The following CCDC152 variants were observed in gnomAD, a reference collection of about 807,000 sequenced individuals.
CCDC152 encodes the protein coiled-coil domain containing 152.
CCDC152 carries 37 observed loss-of-function variants against 38.1 expected under a neutral mutation model. The observed-to-expected ratio is 0.97, with a 90% CI of 0.75 to 1.28. CCDC152 has a LOEUF of 1.28. CCDC152 is among the 50% of genes most tolerant of loss of function. The probability of loss-of-function intolerance (pLI) is 0.00; values close to 1 mark genes in which losing one functional copy is unlikely to be tolerated. For missense variants in CCDC152, 259 were observed against 292.1 expected (o/e 0.89, Z 0.83); for synonymous variants, 83 against 87.1 (o/e 0.95, Z 0.26).
At chr5:42,789,406 C>T in intron 6 of CCDC152, among the ~76,000 whole-genome samples, 1 of 152,128 alleles carries the variant, frequency 6.6e-6, no homozygotes, top group Non-Finnish European at 1.5e-5. Context: ...CCATGTTGGC[C>T]AGGGTGGTCT....
At chr5:42,764,149 C>T (rs1296121566) in intron 3 of CCDC152, among the ~76,000 whole-genome samples, 1 of 152,150 alleles carries the variant, frequency 6.6e-6, no homozygotes, top group African/African-American at 2.4e-5. Flanking sequence ...TGGTGGCTCA[C>T]ACCTGTAATC....
intron 6 of CCDC152, among the ~76,000 whole-genome samples, 200 bp downstream of exon 6, chr5:42,783,776 A>G (rs1338216001): frequency 9.1e-6 from 1 of 109,926 alleles, no homozygotes; most frequent in East Asian, 2.9e-4. Flanking sequence ...CCCAGTGTCT[A>G]TGGTTTCTAT....
In CCDC152 at chr5:42,802,186, T is replaced by C. The variant is rs1760221558; in HGVS notation, c.*2405T>C. 1 of 152,200 alleles carries C rather than the reference T, an allele frequency of 6.6e-6. No individual in the cohort carries two copies. The highest frequency in any genetic ancestry group is 1.5e-5 in the Non-Finnish European group (1 of 68,032). 9.4% of individuals were successfully genotyped at this position (152,200 alleles called of 1,614,324 possible). A position where few individuals can be genotyped will look rare whatever the true frequency, so the allele number is the denominator to read the frequency against. Reference sequence around the variant, plus strand: ...ATAGCAAATTACTGCCCGACTCCCATTGACCATAATATCCATTCCGCATGA... The same window carrying C: ...ATAGCAAATTACTGCCCGACTCCCACTGACCATAATATCCATTCCGCATGA... On this transcript the variant is annotated 3_prime_UTR_variant, in exon 9 of 9. Transcript: ENST00000361970.
intron 3 of CCDC152, among the ~76,000 whole-genome samples, chr5:42,767,356 G>A (rs1759637916): frequency 6.6e-6 from 1 of 152,006 alleles, no homozygotes. Flanking sequence ...CTCTTTACAT[G>A]TATAATTGCT....
chr5:42,778,539 A>G (rs1169963468), intron 4 of CCDC152, among the ~76,000 whole-genome samples: 1 of 152,218 alleles, frequency 6.6e-6, no homozygotes, highest in East Asian at 1.9e-4. Context: ...AAATTTGTTA[A>G]AAATATTAAG....
At chr5:42,767,855 T>C (rs1159671129) in intron 3 of CCDC152, among the ~76,000 whole-genome samples, 1 of 152,244 alleles carries the variant, frequency 6.6e-6, no homozygotes, top group East Asian at 1.9e-4. Flanking sequence ...TGGCAGAGTC[T>C]GTCTATGCCT....
At chr5:42,798,286 C>A (rs948421322) in intron 7 of CCDC152, among the ~76,000 whole-genome samples, 5 of 152,144 alleles carry the variant, frequency 3.3e-5, no homozygotes, top group Admixed American at 3.3e-4. Context: ...GTTGCTTCCC[C>A]CCACCCCAAC....
intron 4 of CCDC152, among the ~76,000 whole-genome samples, chr5:42,776,119 C>T (rs1759765721): frequency 6.6e-6 from 1 of 151,916 alleles, no homozygotes; most frequent in Admixed American, 6.6e-5. Flanking sequence ...CTTTGAAAAT[C>T]AATAGCCTAA....
chr5:42,764,728 T>G (rs1361416271), intron 3 of CCDC152, among the ~76,000 whole-genome samples: 5 of 152,198 alleles, frequency 3.3e-5, no homozygotes, highest in Non-Finnish European at 7.3e-5. Flanking sequence ...TCAACATTCC[T>G]TCATGATAAA....
chr5:42,792,840 T>C (rs185833525), intron 6 of CCDC152, among the ~76,000 whole-genome samples: 8 of 152,344 alleles, frequency 5.3e-5, no homozygotes, highest in Admixed American at 2.6e-4. Flanking sequence ...TAATGGATTT[T>C]AGAGTGCAGG....
In CCDC152 at chr5:42,801,979, A is replaced by G. The variant is rs988540069; in HGVS notation, c.*2198A>G. On this transcript the variant is annotated 3_prime_UTR_variant, in exon 9 of 9. Coordinates refer to ENST00000361970, the MANE Select transcript of CCDC152 (RefSeq NM_001134848.2). ...TATGGAAACTTCTGTACCTGTGTCA[A>G]CGGTGCATCTTATCTAATACTATAT... 2.6e-5 allele frequency: 4 copies of G among 152,202 alleles called. No homozygotes were observed. The highest frequency in any genetic ancestry group is 4.4e-5 in the Non-Finnish European group (3 of 68,050). 9.4% of individuals were successfully genotyped at this position (152,202 alleles called of 1,614,324 possible).
chr5:42,774,892 C>T (rs540164274), intron 4 of CCDC152, among the ~76,000 whole-genome samples: 10 of 151,914 alleles, frequency 6.6e-5, no homozygotes, highest in African/African-American at 2.4e-4. Flanking sequence ...AACAGTGTAA[C>T]ACAAATGAAG....
At chr5:42,758,631 C>T (rs1404939224) in intron 1 of CCDC152, among the ~76,000 whole-genome samples, 1 of 152,188 alleles carries the variant, frequency 6.6e-6, no homozygotes, top group African/African-American at 2.4e-5. Context: ...CAGCAGTTAG[C>T]TGGCTATCCC....
In CCDC152 at chr5:42,785,470, T is replaced by C. The variant is rs556516345; in HGVS notation, c.430+1894T>C. On this transcript the variant is annotated intron_variant, in intron 6 of 8. Transcript: ENST00000361970. ...TTTGTATCCTGAAATTTTACTGAAG[T>C]CATTTGTCAGGTCTAGGGGGAATCT... Among the ~76,000 whole-genome samples, 116 of 152,230 alleles carry C rather than the reference T, an allele frequency of 7.6e-4. No individual in the cohort carries two copies. The Middle Eastern group carries it at 0.01, about 13-fold the overall frequency.
chr5:42,783,642 A>G, intron 6 of CCDC152, 66 bp downstream of exon 6: 1 of 737,588 alleles, frequency 1.4e-6, no homozygotes. Context: ...GGTTTGTTAC[A>G]TGGGTATTTT....
At chr5:42,785,773 T>C (rs1432901842) in intron 6 of CCDC152, among the ~76,000 whole-genome samples, 3 of 152,170 alleles carry the variant, frequency 2.0e-5, no homozygotes, top group Non-Finnish European at 4.4e-5. Flanking sequence ...TTGTCATGTA[T>C]GGCTCTTGTT....
At chr5:42,795,399 A>G (rs1438386845) in intron 6 of CCDC152, among the ~76,000 whole-genome samples, 2 of 152,238 alleles carry the variant, frequency 1.3e-5, no homozygotes, top group African/African-American at 2.4e-5. Context: ...TCGCAGAACT[A>G]GTAGGTGACA....
chr5:42,793,435 G>A (rs182536866), intron 6 of CCDC152, among the ~76,000 whole-genome samples: 13 of 152,056 alleles, frequency 8.5e-5, no homozygotes, highest in Middle Eastern at 3.4e-3. Flanking sequence ...TATAAATTAC[G>A]CTGCAGTAAA....
chr5:42,801,519 A>G lies in CCDC152; in HGVS notation c.*1738A>G, dbSNP rs1395881699. ...CCTAGACATTTTATTAAAGGCTTAAAAAGAAAGCCAAACCACTGTACTTAT... is the reference window on the plus strand; with the variant it reads ...CCTAGACATTTTATTAAAGGCTTAAGAAGAAAGCCAAACCACTGTACTTAT... On this transcript the variant is annotated 3_prime_UTR_variant, in exon 9 of 9. Coordinates refer to ENST00000361970, the MANE Select transcript of CCDC152 (RefSeq NM_001134848.2). 1 of 537,376 alleles carries G rather than the reference A, an allele frequency of 1.9e-6. No homozygotes were observed. The highest frequency in any genetic ancestry group is 3.2e-6 in the Non-Finnish European group (1 of 310,336). 33.3% of individuals were successfully genotyped at this position (537,376 alleles called of 1,614,324 possible). A position where few individuals can be genotyped will look rare whatever the true frequency, so the allele number is the denominator to read the frequency against.
Sources: gnomAD v4.1 joint callset for allele counts (sites outside exome capture counted in the v4.1 genomes callset) on GRCh38, gnomAD v4.1.1 for gene constraint, MANE v1.5 for transcripts, NCBI Gene and HGNC (gene_info 2026-07-23, HGNC 2026-07-21) for gene names.